The following WWOX variants were observed in gnomAD, a reference collection of about 807,000 sequenced individuals.
WWOX encodes WW domain containing oxidoreductase, also known as WW domain-containing oxidoreductase.
In WWOX, 69 loss-of-function variants were observed where a neutral mutation model predicts 46.2. The ratio of observed to expected loss-of-function variants is 1.49; its 90% CI spans 1.23 to 1.82. The LOEUF (loss-of-function observed/expected upper bound fraction) is 1.82. Among genes scored for constraint, WWOX ranks in the 40% most tolerant of loss-of-function variants. The probability of loss-of-function intolerance (pLI) is 0.00; values close to 1 mark genes in which losing one functional copy is unlikely to be tolerated. For synonymous variants in WWOX, 359 were observed against 202.6 expected (o/e 1.77, Z -6.56); for missense variants, 919 against 542.6 (o/e 1.69, Z -6.89).
At chr16:78,833,577 C>G (rs531812660) in intron 8 of WWOX, among the ~76,000 whole-genome samples, 112 of 152,170 alleles carry the variant, frequency 7.4e-4, no homozygotes, top group African/African-American at 2.6e-3. Flanking sequence ...GTGCTTGTAT[C>G]TGATTTTTCA....
intron 8 of WWOX, among the ~76,000 whole-genome samples, chr16:78,701,788 C>G (rs2048223423): frequency 1.3e-5 from 2 of 151,906 alleles, no homozygotes; most frequent in African/African-American, 4.8e-5. Context: ...ATGCAGTCTG[C>G]TGAGCTGCCA....
intron 4 of WWOX, among the ~76,000 whole-genome samples, chr16:78,146,522 T>G (rs957702041): frequency 1.3e-5 from 2 of 152,066 alleles, no homozygotes; most frequent in Non-Finnish European, 2.9e-5. Context: ...CACAAGCAGG[T>G]GCCTGATCAC....
intron 6 of WWOX, among the ~76,000 whole-genome samples, chr16:78,422,891 T>A (rs1298108148): frequency 3.2e-4 from 46 of 142,772 alleles, no homozygotes; most frequent in East Asian, 1.0e-3. Flanking sequence ...ACACATATAT[T>A]TTTTTTTTCT....
intron 8 of WWOX, among the ~76,000 whole-genome samples, chr16:78,584,831 C>G (rs985854905): frequency 2.6e-5 from 4 of 152,190 alleles, no homozygotes; most frequent in Non-Finnish European, 5.9e-5. Context: ...AAAGTTCAAG[C>G]TATATGCTTA....
At chr16:78,391,809 C>A (rs187079661) in intron 6 of WWOX, among the ~76,000 whole-genome samples, 1 of 152,176 alleles carries the variant, frequency 6.6e-6, no homozygotes, top group Admixed American at 6.5e-5. Flanking sequence ...CGAGATCATG[C>A]CTGGGGGACA....
intron 8 of WWOX, among the ~76,000 whole-genome samples, chr16:78,538,218 C>CAAAAAAAAAAAA (rs67413792): frequency 1.7e-5 from 1 of 60,034 alleles, no homozygotes; most frequent in Non-Finnish European, 2.8e-5. Context: ...TCACTCACAC[C>CAAAAAAAAAAAA]AAAAAAAAAA....
intron 8 of WWOX, among the ~76,000 whole-genome samples, chr16:78,926,915 G>C (rs1412565254): frequency 1.3e-5 from 2 of 152,090 alleles, no homozygotes; most frequent in Non-Finnish European, 2.9e-5. Context: ...TCCCACCTCA[G>C]CTTCCTAAGT....
intron 5 of WWOX, among the ~76,000 whole-genome samples, chr16:78,358,397 C>T (rs1453969087): frequency 6.6e-6 from 1 of 152,166 alleles, no homozygotes; most frequent in African/African-American, 2.4e-5. Context: ...GTGGCTTACA[C>T]CTGTAATCCC....
chr16:78,618,123 G>C (rs917311891), intron 8 of WWOX, among the ~76,000 whole-genome samples: 1 of 152,198 alleles, frequency 6.6e-6, no homozygotes, highest in African/African-American at 2.4e-5. Context: ...GAGACGCAAG[G>C]CTTGGAGGCA....
At chr16:78,764,874 C>G (rs7193767) in intron 8 of WWOX, among the ~76,000 whole-genome samples, 24,970 of 152,024 alleles carry the variant, frequency 0.16, 5,587 homozygotes, top group African/African-American at 0.51. Flanking sequence ...GGATATAACA[C>G]TTGTTCTTTT....
intron 5 of WWOX, among the ~76,000 whole-genome samples, chr16:78,316,199 C>T (rs1382870453): frequency 6.6e-6 from 1 of 151,972 alleles, no homozygotes; most frequent in South Asian, 2.1e-4. Context: ...TCAGTCGAGA[C>T]CATGCTAGTG....
At chr16:78,990,407 T>G (rs140695663) in intron 8 of WWOX, among the ~76,000 whole-genome samples, 32 of 152,286 alleles carry the variant, frequency 2.1e-4, no homozygotes, top group African/African-American at 6.3e-4. Flanking sequence ...GACCTAGTTC[T>G]GGGCTAGGGA....
intron 6 of WWOX, among the ~76,000 whole-genome samples, chr16:78,421,718 T>G (rs1324499892): frequency 6.6e-6 from 1 of 152,126 alleles, no homozygotes; most frequent in South Asian, 2.1e-4. Context: ...TTATATAGAA[T>G]GGAAAAACAA....
rs148484055 is a variant in WWOX, at chr16:78,515,904, T to G, written c.1056+83152T>G. Among the ~76,000 whole-genome samples the G allele has an allele frequency of 1.8e-4, 28 of 152,270 alleles. 1 individual carries two copies. Among genetic ancestry groups the G allele is most frequent in the African/African-American group, 6.0e-4 (25 of 41,562 alleles). On this transcript the variant is annotated intron_variant, in intron 8 of 8. Coordinates refer to ENST00000566780, the MANE Select transcript of WWOX (RefSeq NM_016373.4). ...CCTGAAGGTGAACATCTTTGGCCCA[T>G]GTGAAATTTTGTTACGTGTTGTTAG...
At chr16:78,973,604 A>ACTGTAGG (rs1258547674) in intron 8 of WWOX, among the ~76,000 whole-genome samples, 2 of 152,034 alleles carry the variant, frequency 1.3e-5, no homozygotes, top group Non-Finnish European at 2.9e-5. Context: ...AGTCTCTCAA[A>ACTGTAGG]CTGTAGGAGG....
chr16:79,050,542 A>T (rs1432962001), intron 8 of WWOX, among the ~76,000 whole-genome samples: 1 of 152,166 alleles, frequency 6.6e-6, no homozygotes, highest in African/African-American at 2.4e-5. Flanking sequence ...TTAGAGAGGG[A>T]GGATACTGCA....
chr16:78,855,212 G>A (rs1449036808), intron 8 of WWOX, among the ~76,000 whole-genome samples: 1 of 152,052 alleles, frequency 6.6e-6, no homozygotes, highest in East Asian at 1.9e-4. Context: ...ATACAGGTTT[G>A]ACCTACAAAG....
At chr16:78,361,609 T>G (rs2081411360) in intron 5 of WWOX, among the ~76,000 whole-genome samples, 1 of 151,970 alleles carries the variant, frequency 6.6e-6, no homozygotes, top group East Asian at 1.9e-4. Context: ...CCCATTTCTT[T>G]CTTTTCTTTT....
At chr16:78,368,261 T>G (rs551399100) in intron 5 of WWOX, among the ~76,000 whole-genome samples, 46 of 152,284 alleles carry the variant, frequency 3.0e-4, no homozygotes, top group Middle Eastern at 3.4e-3. Flanking sequence ...TTTTCTAAAT[T>G]TATATGGAGG....
Sources: allele counts gnomAD v4.1 joint callset (sites outside exome capture counted in the v4.1 genomes callset), GRCh38; gene constraint gnomAD v4.1.1; transcripts MANE v1.5; gene names NCBI Gene and HGNC (gene_info 2026-07-23, HGNC 2026-07-21).